The following DOCK3 variants were observed in gnomAD, a reference collection of about 807,000 sequenced individuals.
The protein encoded by DOCK3 is dedicator of cytokinesis 3, also known as dedicator of cytokinesis protein 3.
Under a neutral mutation model 265.6 loss-of-function variants are expected in DOCK3, and 60 were observed. The observed-to-expected ratio is 0.23, with a 90% CI of 0.18 to 0.28. The LOEUF is 0.28. Among genes scored for constraint, DOCK3 ranks in the 10% least tolerant of loss-of-function variants. The pLI is 1.00. For synonymous variants in DOCK3, 881 were observed against 938.0 expected, an observed-to-expected ratio of 0.94 and a Z score of 1.11; for missense variants, 1,981 against 2,594.3, an observed-to-expected ratio of 0.76 and a Z score of 5.14.
intron 32 of DOCK3, among the ~76,000 whole-genome samples, chr3:51,324,198 C>A (rs906592403): frequency 2.6e-5 from 4 of 152,214 alleles, no homozygotes; most frequent in Non-Finnish European, 4.4e-5. Flanking sequence ...CCCAAAATCT[C>A]CTTAAGCTGA....
intron 1 of DOCK3, among the ~76,000 whole-genome samples, chr3:50,754,149 C>A (rs2040008859): frequency 1.1e-5 from 1 of 87,762 alleles, no homozygotes; most frequent in Non-Finnish European, 2.0e-5. Flanking sequence ...CAGAGTGAGA[C>A]TCTGTCTCAA....
intron 1 of DOCK3, among the ~76,000 whole-genome samples, chr3:50,703,059 G>A (rs908856768): frequency 1.3e-5 from 2 of 152,086 alleles, no homozygotes; most frequent in African/African-American, 2.4e-5. Flanking sequence ...GAAGGATGCC[G>A]AATTTTATTG....
intron 27 of DOCK3, among the ~76,000 whole-genome samples, chr3:51,283,846 C>T (rs1361262298): frequency 3.3e-5 from 5 of 152,050 alleles, no homozygotes; most frequent in Non-Finnish European, 5.9e-5. Context: ...GTTGTGGTTT[C>T]GTATGGGCAT....
intron 12 of DOCK3, among the ~76,000 whole-genome samples, chr3:51,168,209 AG>A (rs2086499949): frequency 6.6e-6 from 1 of 152,238 alleles, no homozygotes; most frequent in African/African-American, 2.4e-5. Context: ...TCAAACTACT[AG>A]TGACATTCTT....
At chr3:51,058,419 A>T (rs1265550135) in intron 5 of DOCK3, among the ~76,000 whole-genome samples, 1 of 152,248 alleles carries the variant, frequency 6.6e-6, no homozygotes, top group Non-Finnish European at 1.5e-5. Flanking sequence ...GATTAAAAAA[A>T]ACCATGTACA....
At chr3:51,170,037 A>T (rs982376936) in intron 12 of DOCK3, among the ~76,000 whole-genome samples, 3 of 152,124 alleles carry the variant, frequency 2.0e-5, no homozygotes, top group Admixed American at 6.5e-5. Context: ...AAAATCTGAA[A>T]TTTTTTAGTG....
intron 26 of DOCK3, chr3:51,278,436 G>A: frequency 4.1e-6 from 4 of 985,380 alleles, no homozygotes; most frequent in Non-Finnish European, 3.6e-6. Flanking sequence ...TCCATTGGCA[G>A]ATGGGAGATT....
intron 5 of DOCK3, among the ~76,000 whole-genome samples, chr3:50,982,525 CAG>C (rs1269201095): frequency 1.3e-5 from 2 of 152,146 alleles, no homozygotes; most frequent in Non-Finnish European, 2.9e-5. Flanking sequence ...GTCCCCAAGG[CAG>C]CCGACTGCAT....
At chr3:50,909,185 T>C (rs1276211166) in intron 4 of DOCK3, among the ~76,000 whole-genome samples, 1 of 152,126 alleles carries the variant, frequency 6.6e-6, no homozygotes, top group East Asian at 1.9e-4. Context: ...ATTCTGTGTC[T>C]TTTAATTGGG....
chr3:50,737,598 T>C (rs2038724480), intron 1 of DOCK3, among the ~76,000 whole-genome samples: 1 of 152,232 alleles, frequency 6.6e-6, no homozygotes, highest in Non-Finnish European at 1.5e-5. Context: ...TGGCTTTTTT[T>C]CAGTTCATTT....
At chr3:50,764,340 C>A (rs1576367291) in intron 1 of DOCK3, among the ~76,000 whole-genome samples, 1 of 151,984 alleles carries the variant, frequency 6.6e-6, no homozygotes, top group African/African-American at 2.4e-5. Flanking sequence ...TAGAAAAAAA[C>A]CTAACAATAC....
chr3:50,950,068 T>G (rs2076548212), intron 5 of DOCK3, among the ~76,000 whole-genome samples: 1 of 151,890 alleles, frequency 6.6e-6, no homozygotes, highest in Admixed American at 6.6e-5. Flanking sequence ...AGTTCATATT[T>G]TATTTATTAC....
intron 3 of DOCK3, among the ~76,000 whole-genome samples, chr3:50,869,088 C>A (rs1401258085): frequency 3.3e-5 from 5 of 149,798 alleles, no homozygotes; most frequent in Non-Finnish European, 5.9e-5. Context: ...CATTCTCCTG[C>A]CTCAGCCTCC....
chr3:51,012,913 A>G (rs904043324), intron 5 of DOCK3, among the ~76,000 whole-genome samples: 36 of 152,046 alleles, frequency 2.4e-4, no homozygotes, highest in Non-Finnish European at 7.4e-5. Flanking sequence ...TCAATCACTG[A>G]TACCCTTTCT....
intron 16 of DOCK3, 64 bp downstream of exon 16, chr3:51,227,509 G>A: frequency 6.3e-7 from 1 of 1,593,282 alleles, no homozygotes; most frequent in Non-Finnish European, 8.6e-7. Context: ...CTCCTCTCTT[G>A]AACAGAATTA....
At chr3:51,282,359 C>T (rs937928444) in intron 27 of DOCK3, among the ~76,000 whole-genome samples, 4 of 152,092 alleles carry the variant, frequency 2.6e-5, no homozygotes, top group Non-Finnish European at 5.9e-5. Flanking sequence ...TTTAAGATTT[C>T]CAACCAGGTG....
chr3:50,949,707 A>G (rs1049201069), intron 5 of DOCK3, among the ~76,000 whole-genome samples: 1 of 152,098 alleles, frequency 6.6e-6, no homozygotes, highest in African/African-American at 2.4e-5. Context: ...TTGATAATTT[A>G]TATTCTAGGA....
chr3:51,348,495 G>A (rs779793226), intron 38 of DOCK3, among the ~76,000 whole-genome samples: 2 of 152,170 alleles, frequency 1.3e-5, no homozygotes, highest in Admixed American at 6.5e-5. Flanking sequence ...CCCTCATTCT[G>A]TTTCTCATCT....
At chr3:50,889,849 C>T (rs1305255437) in intron 3 of DOCK3, among the ~76,000 whole-genome samples, 177 bp from the exon 4 acceptor site, 1 of 151,986 alleles carries the variant, frequency 6.6e-6, no homozygotes, top group Non-Finnish European at 1.5e-5. Flanking sequence ...TTGCATATGG[C>T]CGTGAAATTC....
Sources: gnomAD v4.1 joint callset for allele counts (sites outside exome capture counted in the v4.1 genomes callset) on GRCh38, gnomAD v4.1.1 for gene constraint, MANE v1.5 for transcripts, NCBI Gene and HGNC (gene_info 2026-07-23, HGNC 2026-07-21) for gene names.